The following TENM3 variants were observed in gnomAD, a reference collection of about 807,000 sequenced individuals.
TENM3 encodes the protein teneurin transmembrane protein 3, also known as teneurin-3.
In TENM3, 63 loss-of-function variants were observed where a neutral mutation model predicts 255.1. That is an observed-to-expected ratio of 0.25 (90% CI 0.20 to 0.30). TENM3 has a LOEUF of 0.30. Among genes scored for constraint, TENM3 ranks in the 10% least tolerant of loss-of-function variants. The pLI is 1.00. For synonymous variants in TENM3, 1,306 were observed against 1,322.3 expected (o/e 0.99, Z 0.27); for missense variants, 2,929 against 3,461.1 (o/e 0.85, Z 3.86).
chr4:182,385,084 G>A (rs1767820615), intron 3 of TENM3, among the ~76,000 whole-genome samples: 1 of 152,000 alleles, frequency 6.6e-6, no homozygotes, highest in South Asian at 2.1e-4. Context: ...CCCCAGCATT[G>A]TTGTAAGTAC....
chr4:181,921,392 T>C, the TENM3 span, among the ~76,000 whole-genome samples: 1 of 152,222 alleles, frequency 6.6e-6, no homozygotes, highest in Non-Finnish European at 1.5e-5. Flanking sequence ...CATTTGTTTG[T>C]ATCCTCTGTA....
chr4:182,299,746 G>C (rs998281018), intron 1 of TENM3, among the ~76,000 whole-genome samples: 1 of 151,924 alleles, frequency 6.6e-6, no homozygotes, highest in African/African-American at 2.4e-5. Context: ...TGATTGAAAA[G>C]TGACTGATGG....
chr4:182,263,104 C>T (rs540147302), intron 1 of TENM3, among the ~76,000 whole-genome samples: 2 of 152,066 alleles, frequency 1.3e-5, no homozygotes, highest in African/African-American at 4.8e-5. Flanking sequence ...ATTTCTCTGT[C>T]CTGTAACATA....
chr4:182,128,972 T>G, the TENM3 span, among the ~76,000 whole-genome samples: 166 of 152,292 alleles, frequency 1.1e-3, 1 homozygote, highest in Non-Finnish European at 2.0e-3. Flanking sequence ...GTCATCACAA[T>G]TATTCACATT....
At chr4:182,785,650 G>A (rs1415167654) in intron 24 of TENM3, among the ~76,000 whole-genome samples, 2 of 144,514 alleles carry the variant, frequency 1.4e-5, no homozygotes, top group African/African-American at 5.1e-5. Context: ...CGAGGCTGCA[G>A]TGAGCCAAGA....
intron 3 of TENM3, among the ~76,000 whole-genome samples, chr4:182,374,068 C>CT (rs1207652242): frequency 6.6e-6 from 1 of 152,138 alleles, no homozygotes; most frequent in Non-Finnish European, 1.5e-5. Context: ...AGAAGTAACT[C>CT]TAACGGGAGC....
upstream of TENM3, chr4:182,144,618 C>T (rs1489691331): frequency 6.7e-6 from 1 of 148,828 alleles, no homozygotes; most frequent in Non-Finnish European, 1.5e-5. Flanking sequence ...GGCGCCCGCT[C>T]CCCGCTCCCT....
chr4:182,175,119 T>A lies in TENM3; in HGVS notation c.-76+30365T>A, dbSNP rs368069156. Among the ~76,000 whole-genome samples the A allele has an allele frequency of 7.9e-4, 120 of 152,046 alleles. 1 individual carries two copies. Among genetic ancestry groups the A allele is most frequent in the Non-Finnish European group, 1.4e-3 (95 of 67,980 alleles). ...AGGCTGATAACATGATCATAATATA[T>A]TTTGTCTTTTCACTGTGTCAGAAAT... On this transcript the variant is annotated intron_variant, in intron 1 of 2. Coordinates refer to the TENM3 transcript ENST00000512480.
At chr4:182,310,615 C>T (rs1762383650) in intron 1 of TENM3, among the ~76,000 whole-genome samples, 1 of 152,040 alleles carries the variant, frequency 6.6e-6, no homozygotes, top group Admixed American at 6.5e-5. Flanking sequence ...GTTCCTGGAC[C>T]CCACGACTGG....
At chr4:181,788,970 G>C in the TENM3 span, among the ~76,000 whole-genome samples, 1 of 152,098 alleles carries the variant, frequency 6.6e-6, no homozygotes, top group African/African-American at 2.4e-5. Flanking sequence ...TCCATTTCTG[G>C]CAAACTCCAA....
At chr4:182,581,722 G>A (rs770429647) in intron 3 of TENM3, among the ~76,000 whole-genome samples, 1 of 152,050 alleles carries the variant, frequency 6.6e-6, no homozygotes, top group Non-Finnish European at 1.5e-5. Flanking sequence ...GGGCGACAGA[G>A]CGAGACTCCC....
intron 1 of TENM3, among the ~76,000 whole-genome samples, chr4:182,310,926 T>C (rs1286619588): frequency 6.6e-6 from 1 of 152,162 alleles, no homozygotes; most frequent in Admixed American, 6.5e-5. Context: ...GCCAGGCTGG[T>C]CTCGAACTCC....
chr4:181,704,889 CT>C, the TENM3 span, among the ~76,000 whole-genome samples: 1 of 151,928 alleles, frequency 6.6e-6, no homozygotes, highest in Non-Finnish European at 1.5e-5. Flanking sequence ...AAAAATTAGG[CT>C]TGGTGATACG....
chr4:182,631,199 G>A (rs1297417982), intron 5 of TENM3, among the ~76,000 whole-genome samples: 4 of 151,784 alleles, frequency 2.6e-5, no homozygotes, highest in Non-Finnish European at 5.9e-5. Context: ...AAATTATCTA[G>A]TTAATATACT....
At chr4:182,580,854 ATGTGT>A (rs1027041316) in intron 3 of TENM3, among the ~76,000 whole-genome samples, 9 of 152,210 alleles carry the variant, frequency 5.9e-5, no homozygotes, top group African/African-American at 1.4e-4. Flanking sequence ...GTGTGCAGTA[ATGTGT>A]TGTGTATAAC....
the TENM3 span, among the ~76,000 whole-genome samples, chr4:181,501,404 A>G: frequency 6.8e-6 from 1 of 146,408 alleles, no homozygotes; most frequent in Non-Finnish European, 1.5e-5. Context: ...TTTAAGATGG[A>G]GTCTCGCACT....
intron 12 of TENM3, among the ~76,000 whole-genome samples, chr4:182,696,522 C>A (rs1407398396): frequency 6.6e-6 from 1 of 151,958 alleles, no homozygotes; most frequent in Non-Finnish European, 1.5e-5. Flanking sequence ...GTCAGGAGAT[C>A]GGGACCATCC....
chr4:181,656,053 T>A, the TENM3 span, among the ~76,000 whole-genome samples: 1 of 152,162 alleles, frequency 6.6e-6, no homozygotes, highest in Admixed American at 6.5e-5. Flanking sequence ...AAACAGCTGA[T>A]GCAGTTCTTG....
the TENM3 span, among the ~76,000 whole-genome samples, chr4:181,876,434 T>C: frequency 6.6e-6 from 1 of 151,760 alleles, no homozygotes; most frequent in Non-Finnish European, 1.5e-5. Context: ...CAGAGGCACT[T>C]ATTTTGAGAG....
Sources: allele counts gnomAD v4.1 joint callset (sites outside exome capture counted in the v4.1 genomes callset), GRCh38; gene constraint gnomAD v4.1.1; transcripts MANE v1.5; gene names NCBI Gene and HGNC (gene_info 2026-07-23, HGNC 2026-07-21).